Variants in ACRV1 observed in about 807,000 individuals in gnomAD.
The protein encoded by ACRV1 is acrosomal vesicle protein 1.
In ACRV1, 17 loss-of-function variants were observed where a neutral mutation model predicts 29.2. The ratio of observed to expected loss-of-function variants is 0.58; its 90% CI spans 0.40 to 0.87. The LOEUF (loss-of-function observed/expected upper bound fraction) is 0.87, where lower values mean the gene tolerates loss of function less well. Among genes scored for constraint, ACRV1 ranks in the 40% least tolerant of loss-of-function variants. The probability of loss-of-function intolerance (pLI) is 0.00; values close to 1 mark genes in which losing one functional copy is unlikely to be tolerated. For missense variants in ACRV1, 294 were observed against 316.0 expected (o/e 0.93, Z 0.53); for synonymous variants, 98 against 111.6 (o/e 0.88, Z 0.77).
At chr11:125,677,172 A>G (rs570233768) in intron 2 of ACRV1, among the ~76,000 whole-genome samples, 2 of 152,346 alleles carry the variant, frequency 1.3e-5, no homozygotes, top group South Asian at 4.1e-4. Flanking sequence ...CTGAAAATTT[A>G]GAATAATGAT....
rs183465354 is a variant in ACRV1, at chr11:125,676,553, G to A, written c.554-75C>T. 1,057 of 1,564,878 alleles carry A rather than the reference G, an allele frequency of 6.8e-4. 14 individuals are homozygous for A. The highest frequency in any genetic ancestry group is 1.7e-4 in the Middle Eastern group (1 of 5,912). On this transcript the variant is annotated intron_variant, in intron 2 of 3. Coordinates refer to ENST00000533904, the MANE Select transcript of ACRV1 (RefSeq NM_001612.6). ...TAGCCTTGATTCACATCTGGGAGGGGTAATGGGCAATAGGTAGCATGGATA... is the reference window on the plus strand; with the variant it reads ...TAGCCTTGATTCACATCTGGGAGGGATAATGGGCAATAGGTAGCATGGATA...
chr11:125,677,657 TAGAG>T, intron 2 of ACRV1, 136 bp downstream of exon 2: 1 of 1,182,172 alleles, frequency 8.5e-7, no homozygotes, highest in South Asian at 1.6e-5. Context: ...TGACGAGAAC[TAGAG>T]AGACTTTGAG....
At chr11:125,676,230 G>GA in intron 3 of ACRV1, 129 bp downstream of exon 3, 1 of 1,270,268 alleles carries the variant, frequency 7.9e-7, no homozygotes, top group Non-Finnish European at 1.1e-6. Flanking sequence ...CTTAGTCCTT[G>GA]AAAAAATAAA....
chr11:125,674,322 AG>A (rs1032013309), intron 3 of ACRV1, among the ~76,000 whole-genome samples: 2 of 152,208 alleles, frequency 1.3e-5, no homozygotes, highest in African/African-American at 4.8e-5. Flanking sequence ...ATTTTGATTA[AG>A]GGGGGCATAG....
intron 3 of ACRV1, among the ~76,000 whole-genome samples, chr11:125,673,049 C>T (rs1216974349): frequency 2.0e-5 from 3 of 152,038 alleles, no homozygotes; most frequent in Non-Finnish European, 4.4e-5. Context: ...TGCCTATCCT[C>T]CTCACCTTGG....
intron 3 of ACRV1, among the ~76,000 whole-genome samples, chr11:125,673,378 A>AT (rs1276953053): frequency 6.6e-6 from 1 of 151,158 alleles, no homozygotes; most frequent in African/African-American, 2.4e-5. Context: ...AATTTTTGTA[A>AT]TTTTATTAGA....
intron 1 of ACRV1, 93 bp downstream of exon 1, chr11:125,680,636 G>A: frequency 8.5e-7 from 1 of 1,175,312 alleles, no homozygotes; most frequent in East Asian, 2.4e-5. Flanking sequence ...ATTGGTTTGG[G>A]TGACTGAGAG....
intron 3 of ACRV1, among the ~76,000 whole-genome samples, chr11:125,675,749 TAC>T (rs1381206554): frequency 1.3e-5 from 2 of 152,130 alleles, no homozygotes; most frequent in Non-Finnish European, 2.9e-5. Flanking sequence ...AGCTATAGCT[TAC>T]AGTCAATGTC....
chr11:125,672,766 C>T (rs1161555291), intron 3 of ACRV1, 49 bp from the exon 4 acceptor site: 4 of 1,608,284 alleles, frequency 2.5e-6, no homozygotes, highest in African/African-American at 1.3e-5. Flanking sequence ...CGTCCTCCAA[C>T]CTTAGCCTTT....
intron 3 of ACRV1, among the ~76,000 whole-genome samples, chr11:125,674,639 CT>C (rs1296003019): frequency 4.6e-5 from 7 of 152,190 alleles, no homozygotes; most frequent in Non-Finnish European, 7.3e-5. Flanking sequence ...TCCACTGTAA[CT>C]TGCTTCTAAG....
rs1268740537 is a variant in ACRV1 at position 125,677,755 on chromosome 11, C to T, written c.553+42G>A. ...TTTTCTTGATGTGTTCCCCATTTCC[C>T]ACCTGAAGTCAATGACTGGCACCCA... On this transcript the variant is annotated intron_variant, in intron 2 of 3. Coordinates refer to ENST00000533904, the MANE Select transcript of ACRV1 (RefSeq NM_001612.6). The T allele has an allele frequency of 1.9e-6, 3 of 1,605,842 alleles. No homozygotes were observed. In the Admixed American group the frequency reaches 5.0e-5, roughly 27 times the overall value.
intron 1 of ACRV1, among the ~76,000 whole-genome samples, chr11:125,678,858 G>T (rs1003677100): frequency 1.3e-5 from 2 of 150,958 alleles, no homozygotes; most frequent in African/African-American, 2.4e-5. Flanking sequence ...GGATTAAGCC[G>T]CCTGTATTTG....
At chr11:125,679,999 C>T (rs1363428070) in intron 1 of ACRV1, among the ~76,000 whole-genome samples, 1 of 152,198 alleles carries the variant, frequency 6.6e-6, no homozygotes, top group African/African-American at 2.4e-5. Flanking sequence ...ATTTCTTGAT[C>T]TTATAGTTTA....
At position 125,672,469 on chromosome 11, in the gene ACRV1, A is replaced by G; in HGVS notation, c.*124T>C. On this transcript the variant is annotated 3_prime_UTR_variant, in exon 4 of 4. Coordinates refer to ENST00000533904, the MANE Select transcript of ACRV1 (RefSeq NM_001612.6). Reference sequence around the variant, plus strand: ...GAAAGATAGGATGTTTGAGCATCCTAATGCTCAGGCAGAGGCAGATGTGGT... The same window carrying G: ...GAAAGATAGGATGTTTGAGCATCCTGATGCTCAGGCAGAGGCAGATGTGGT... 2.7e-6 allele frequency: 3 copies of G among 1,130,498 alleles called. No individual in the cohort carries two copies. Among genetic ancestry groups the G allele is most frequent in the South Asian group, 1.5e-5 (1 of 66,164 alleles). 70.0% of individuals were successfully genotyped at this position (1,130,498 alleles called of 1,614,324 possible). A position where few individuals can be genotyped will look rare whatever the true frequency, so the allele number is the denominator to read the frequency against.
chr11:125,672,615 T>C lies in ACRV1; in HGVS notation c.776A>G (p.Gln259Arg), dbSNP rs528848235. Residue 259 changes from glutamine to arginine, a missense_variant, in exon 4 of 4, where the codon CAA (glutamine) becomes CGA (arginine). By Grantham distance (43) the Gln-to-Arg change is conservative. Transcript: ENST00000533904. ...TRMQIICCRN[Q>R]SFCNKI The stretch of plus-strand genomic sequence containing the variant: ...CTTCTAGATCTTATTGCAGAAAGAT[T>C]GATTTCGACAGCATATAATTTGCAT... 1.9e-6 allele frequency: 3 copies of C among 1,613,998 alleles called. No individual in the cohort carries two copies. The highest frequency in any genetic ancestry group is 1.1e-5 in the South Asian group (1 of 91,078).
intron 3 of ACRV1, among the ~76,000 whole-genome samples, chr11:125,673,562 ACTC>A (rs565535905): frequency 1.5e-4 from 22 of 151,506 alleles, no homozygotes; most frequent in Admixed American, 6.6e-4. Context: ...CTGCTCATCT[ACTC>A]CTCTGGATCC....
intron 1 of ACRV1, among the ~76,000 whole-genome samples, chr11:125,680,454 C>G (rs1218109246): frequency 6.6e-6 from 1 of 152,186 alleles, no homozygotes; most frequent in Admixed American, 6.5e-5. Flanking sequence ...CCTAAGCCTA[C>G]TTTTTCATCT....
Position 125,678,954 on chromosome 11 carries a change from TA to T in ACRV1, c.53-658del, listed in dbSNP as rs1171041691. Among the ~76,000 whole-genome samples the T allele has an allele frequency of 2.1e-3, 178 of 82,918 alleles. 2 individuals carry two copies. Among genetic ancestry groups the T allele is most frequent in the African/African-American group, 4.0e-3 (89 of 22,408 alleles). 54.4% of individuals were successfully genotyped at this position (82,918 alleles called of 152,430 possible). On this transcript the variant is annotated intron_variant, in intron 1 of 3. Transcript: ENST00000533904. The stretch of plus-strand genomic sequence containing the variant: ...GCAAAGTTGCTATAAGCTATTAAGG[TA>T]AAAAAAAAAAAGTCTAGGCATATTA...
intron 3 of ACRV1, 137 bp downstream of exon 3, chr11:125,676,222 T>C: frequency 6.7e-6 from 8 of 1,187,542 alleles, no homozygotes; most frequent in African/African-American, 1.5e-5. Context: ...ATTCTGTTCT[T>C]AGTCCTTGAA....
Sources: allele counts gnomAD v4.1 joint callset (sites outside exome capture counted in the v4.1 genomes callset), GRCh38; gene constraint gnomAD v4.1.1; transcripts MANE v1.5; gene names NCBI Gene and HGNC (gene_info 2026-07-23, HGNC 2026-07-21).